HECW2: variants seen among roughly 807,000 people sequenced by gnomAD.
HECW2 encodes the protein HECT, C2 and WW domain containing E3 ubiquitin protein ligase 2.
In HECW2, 61 loss-of-function variants were observed where a neutral mutation model predicts 175.2. The ratio of observed to expected loss-of-function variants is 0.35; its 90% CI spans 0.28 to 0.43. HECW2 has a LOEUF of 0.43. HECW2 is among the 20% of genes least tolerant of loss of function. The pLI is 1.00. For missense variants in HECW2, 1,524 were observed against 2,000.5 expected (o/e 0.76, Z 4.54); for synonymous variants, 671 against 731.0 (o/e 0.92, Z 1.32).
intron 1 of HECW2, among the ~76,000 whole-genome samples, chr2:196,587,936 T>C (rs1691045792): frequency 6.6e-6 from 1 of 152,196 alleles, no homozygotes; most frequent in African/African-American, 2.4e-5. Context: ...TCTTTGAACA[T>C]ATCCAAACAC....
At chr2:196,377,494 G>A (rs531774223) in intron 2 of HECW2, among the ~76,000 whole-genome samples, 152 of 152,258 alleles carry the variant, frequency 1.0e-3, no homozygotes, top group Middle Eastern at 3.4e-3. Flanking sequence ...GGCAAGAGAG[G>A]GCTTGTGCAG....
intron 2 of HECW2, among the ~76,000 whole-genome samples, chr2:196,360,004 T>C (rs899038695): frequency 2.0e-5 from 3 of 152,134 alleles, no homozygotes; most frequent in African/African-American, 4.8e-5. Flanking sequence ...CTCAGGATGC[T>C]GAGGCAGGAG....
At chr2:196,389,450 A>G (rs1009318861) in intron 2 of HECW2, among the ~76,000 whole-genome samples, 1 of 152,184 alleles carries the variant, frequency 6.6e-6, no homozygotes, top group African/African-American at 2.4e-5. Context: ...AGTTCAAAAC[A>G]TGCATTAGTA....
chr2:196,216,055 C>T (rs1273333149), intron 27 of HECW2, 78 bp from the exon 28 acceptor site: 1 of 960,568 alleles, frequency 1.0e-6, no homozygotes, highest in East Asian at 2.4e-5. Flanking sequence ...CATTCACGGG[C>T]AGAGCTCCTG....
Position 196,240,593 on chromosome 2 carries a change from A to C in HECW2, c.3651-31T>G, listed in dbSNP as rs368146245. ...CATAAAGAGACAATTTAGAAAATAC[A>C]AATTATTACTATACTATTAAAGATA... On this transcript the variant is annotated intron_variant, in intron 20 of 28. Transcript: ENST00000644978. 2.6e-5 allele frequency: 40 copies of C among 1,537,560 alleles called. No homozygotes were observed. In the African/African-American group the frequency reaches 4.6e-4, roughly 18 times the overall value.
chr2:196,437,467 C>T (rs1186948029), intron 1 of HECW2, among the ~76,000 whole-genome samples: 1 of 151,838 alleles, frequency 6.6e-6, no homozygotes, highest in Non-Finnish European at 1.5e-5. Context: ...CAAAAATTAG[C>T]TGGGCATGGT....
intron 2 of HECW2, among the ~76,000 whole-genome samples, chr2:196,344,123 G>C (rs1391405640): frequency 6.6e-6 from 1 of 152,034 alleles, no homozygotes; most frequent in Non-Finnish European, 1.5e-5. Flanking sequence ...TTTATAAAAA[G>C]GAAAGGAAGA....
intron 2 of HECW2, among the ~76,000 whole-genome samples, chr2:196,412,483 G>A (rs1695141026): frequency 6.6e-6 from 1 of 152,190 alleles, no homozygotes; most frequent in South Asian, 2.1e-4. Flanking sequence ...ACAGCATCTG[G>A]ATTATAGAAG....
At chr2:196,202,774 A>G (rs1386314962) in intron 28 of HECW2, among the ~76,000 whole-genome samples, 2 of 152,234 alleles carry the variant, frequency 1.3e-5, no homozygotes, top group African/African-American at 4.8e-5. Context: ...TTATATTGTA[A>G]GAATACAGAT....
intron 2 of HECW2, among the ~76,000 whole-genome samples, chr2:196,354,270 C>T (rs893148986): frequency 6.6e-4 from 101 of 152,162 alleles, no homozygotes; most frequent in African/African-American, 2.4e-3. Context: ...GGGTTGTGGC[C>T]ACCCCTGCCT....
At chr2:196,411,327 G>A (rs1445242827) in intron 2 of HECW2, among the ~76,000 whole-genome samples, 4 of 152,120 alleles carry the variant, frequency 2.6e-5, no homozygotes, top group Non-Finnish European at 5.9e-5. Flanking sequence ...TTAATTAAGG[G>A]CCAGGTTCCA....
At chr2:196,374,288 T>C (rs1268430923) in intron 2 of HECW2, among the ~76,000 whole-genome samples, 2 of 152,156 alleles carry the variant, frequency 1.3e-5, no homozygotes, top group African/African-American at 2.4e-5. Flanking sequence ...CAAAATTATA[T>C]GTACAATAGG....
At chr2:196,354,479 G>T (rs1407018269) in intron 2 of HECW2, among the ~76,000 whole-genome samples, 4 of 152,242 alleles carry the variant, frequency 2.6e-5, no homozygotes, top group African/African-American at 9.6e-5. Context: ...ACCAAGGCCT[G>T]GTGGGCTGAC....
intron 28 of HECW2, among the ~76,000 whole-genome samples, chr2:196,201,818 T>C (rs541218164): frequency 5.9e-5 from 9 of 152,268 alleles, no homozygotes; most frequent in African/African-American, 9.6e-5. Flanking sequence ...TCTGTAGTTA[T>C]GCATTTTTTC....
intron 2 of HECW2, among the ~76,000 whole-genome samples, chr2:196,408,620 C>T (rs112330426): frequency 0.017 from 2,514 of 152,300 alleles, 65 homozygotes; most frequent in African/African-American, 0.057. Context: ...TACACCCCTC[C>T]ATTGAACTTT....
intron 2 of HECW2, among the ~76,000 whole-genome samples, chr2:196,426,594 A>T (rs1333042917): frequency 6.6e-6 from 1 of 152,050 alleles, no homozygotes; most frequent in East Asian, 1.9e-4. Context: ...GATAGTTTAA[A>T]GGAAAATATT....
intron 19 of HECW2, among the ~76,000 whole-genome samples, chr2:196,247,424 C>G (rs2105898380): frequency 6.6e-6 from 1 of 152,214 alleles, no homozygotes; most frequent in East Asian, 1.9e-4. Context: ...TGTGTGAGAA[C>G]TACAAGTGAA....
rs756823022 is a variant in HECW2, at chr2:196,292,581, T to A, written c.2984A>T (p.His995Leu). Residue 995 changes from histidine to leucine, a missense_variant, in exon 14 of 29, where the codon CAT (histidine) becomes CTT (leucine). Physicochemically the swap from His to Leu is moderately conservative, Grantham distance 99. This residue lies in a region of HECW2 where 291 missense variants were observed against 412.2 expected (regional missense o/e 0.71). Coordinates refer to ENST00000644978, the MANE Select transcript of HECW2 (RefSeq NM_001348768.2). ...TCGTGTTACCTTGCCCTGGTGATCA[T>A]GTTTCATTTCCCATCCCCGCGGCAG... is the stretch of plus-strand genomic sequence containing the variant. ...LELPRGWEMK[H>L]DHQGKAFFVD... 25 of 1,613,372 alleles carry A rather than the reference T, an allele frequency of 1.5e-5. No individual in the cohort carries two copies. The highest frequency in any genetic ancestry group is 1.9e-5 in the Non-Finnish European group (23 of 1,179,650).
chr2:196,487,580 T>A (rs375299051), intron 1 of HECW2, among the ~76,000 whole-genome samples: 3 of 152,082 alleles, frequency 2.0e-5, no homozygotes, highest in Non-Finnish European at 4.4e-5. Context: ...ATTGGCCTAT[T>A]TGGTCACAGC....
Sources: gnomAD v4.1 joint callset for allele counts (sites outside exome capture counted in the v4.1 genomes callset) on GRCh38, gnomAD v4.1.1 for gene constraint, gnomAD v4.1.1 regional missense constraint, MANE v1.5 for transcripts, NCBI Gene and HGNC (gene_info 2026-07-23, HGNC 2026-07-21) for gene names.